The following PLCH2 variants were observed in gnomAD, a reference collection of about 807,000 sequenced individuals.
PLCH2 encodes the protein phospholipase C eta 2, also known as 1-phosphatidylinositol 4,5-bisphosphate phosphodiesterase eta-2.
In PLCH2, 98 loss-of-function variants were observed where a neutral mutation model predicts 134.7. The ratio of observed to expected loss-of-function variants is 0.73; its 90% CI spans 0.62 to 0.86. PLCH2 has a LOEUF of 0.86. Among genes scored for constraint, PLCH2 ranks in the 40% least tolerant of loss-of-function variants. The probability of loss-of-function intolerance (pLI) is 0.00; values close to 1 mark genes in which losing one functional copy is unlikely to be tolerated. For missense variants in PLCH2, 1,994 were observed against 1,986.6 expected, an observed-to-expected ratio of 1.00 and a Z score of -0.07; for synonymous variants, 974 against 827.5, an observed-to-expected ratio of 1.18 and a Z score of -3.04.
intron 15 of PLCH2, 24 bp from the exon 16 acceptor site, chr1:2,497,478 G>C (rs374151195): frequency 1.1e-5 from 17 of 1,519,022 alleles, no homozygotes; most frequent in African/African-American, 2.8e-5. Context: ...TGCTGACCAG[G>C]GCAGCCTTGT....
upstream of PLCH2, among the ~76,000 whole-genome samples, chr1:2,466,851 C>T (rs908941029): frequency 6.6e-6 from 1 of 152,126 alleles, no homozygotes; most frequent in Non-Finnish European, 1.5e-5. Context: ...GGCAGGGAGG[C>T]GAGGGGCTGG....
In PLCH2 at chr1:2,499,734, CCT is replaced by C. The variant is rs762147281; in HGVS notation, c.2661+15_2661+16del. ...ATCAGCGGTAAGGTGAGTGTCACCC[CCT>C]GCCACCAGCCATCATGGGGAGGGGC... On this transcript the variant is annotated intron_variant, in intron 20 of 21. Coordinates refer to ENST00000378486, the MANE Select transcript of PLCH2 (RefSeq NM_014638.4). 6.4e-6 allele frequency: 10 copies of C among 1,560,224 alleles called. No homozygotes were observed. The highest frequency in any genetic ancestry group is 8.7e-6 in the Non-Finnish European group (10 of 1,150,648).
rs1643388170 is a variant in PLCH2, at chr1:2,504,013, G to A, written c.3051G>A (p.Pro1017=). The A allele has an allele frequency of 8.0e-6, 12 of 1,499,930 alleles. No homozygotes were observed. The highest frequency in any genetic ancestry group is 1.5e-5 in the African/African-American group (1 of 68,448). The allele number at this position is 1,499,930 out of a possible 1,614,324, so 92.9% of individuals were successfully genotyped here. A position where few individuals can be genotyped will look rare whatever the true frequency, so the allele number is the denominator to read the frequency against. ...AEEPAPGPGP[P]PPAAVPTSSS... ...AGCCCGCCCCAGGCCCTGGTCCCCC[G>A]CCACCAGCGGCTGTCCCCACCAGCT... The change falls in exon 22 of 22, where the codon CCG becomes CCA. Residue 1017 remains proline (P), a synonymous_variant. Transcript: ENST00000378486.
chr1:2,499,257 C>A, intron 19 of PLCH2, 27 bp downstream of exon 19: 1 of 1,610,480 alleles, frequency 6.2e-7, no homozygotes, highest in Non-Finnish European at 8.5e-7. Context: ...ACGGTGCCCC[C>A]CACACTGGCC....
chr1:2,502,348 C>G lies in PLCH2; in HGVS notation c.2898C>G (p.Pro966=). 1 of 1,537,442 alleles carries G rather than the reference C, an allele frequency of 6.5e-7. No homozygotes were observed. The highest frequency in any genetic ancestry group is 8.7e-7 in the Non-Finnish European group (1 of 1,143,158). The change falls in exon 21 of 22, where the codon CCC becomes CCG. Residue 966 remains proline (P), a synonymous_variant. Transcript: ENST00000378486. ...GGGTGGCAGACGATGTGGTGCCCCC[C>G]GGGCCCGGACCTGCTCCGGAAGCCC... ...SKGVADDVVP[P]GPGPAPEAPA... is the part of the protein sequence containing the mutation.
upstream of PLCH2, among the ~76,000 whole-genome samples, chr1:2,471,493 T>C (rs1437545943): frequency 1.3e-5 from 2 of 152,228 alleles, no homozygotes; most frequent in African/African-American, 2.4e-5. Flanking sequence ...TTTGGACACC[T>C]GTGACCATCA....
intron 2 of PLCH2, among the ~76,000 whole-genome samples, chr1:2,443,473 C>G (rs529455316): frequency 6.8e-4 from 104 of 152,284 alleles, no homozygotes; most frequent in African/African-American, 2.4e-3. Context: ...TTCCCGGTCC[C>G]GCCGGCTGGG....
chr1:2,477,315 C>A (rs543972789), intron 1 of PLCH2, among the ~76,000 whole-genome samples: 5 of 152,270 alleles, frequency 3.3e-5, no homozygotes, highest in African/African-American at 1.2e-4. Flanking sequence ...GCAGCCATAC[C>A]TGCGTCTTCA....
Position 2,458,890 on chromosome 1 carries a change from G to A in PLCH2, c.116-19586G>A, listed in dbSNP as rs562801385. On this transcript the variant is annotated intron_variant, in intron 2 of 3. Transcript: ENST00000609981. ...AGTGACTACATCTGGGGATGTCCCC[G>A]TGCGCTGTGATGTGTGCTTGGCCGT... Among the ~76,000 whole-genome samples, 26 of 152,384 alleles carry A rather than the reference G, an allele frequency of 1.7e-4. No individual in the cohort carries two copies. The South Asian group carries it at 4.6e-3, about 27-fold the overall frequency.
chr1:2,443,595 A>AGCCCCGCCATGC (rs144476621), intron 2 of PLCH2, among the ~76,000 whole-genome samples: 16 of 150,382 alleles, frequency 1.1e-4, no homozygotes, highest in African/African-American at 2.4e-4. Context: ...CGGGCCGGCT[A>AGCCCCGCCATGC]GCCCCGCGCC....
At chr1:2,475,874 G>C (rs1292018995), upstream of PLCH2, among the ~76,000 whole-genome samples, 1 of 152,176 alleles carries the variant, frequency 6.6e-6, no homozygotes, top group African/African-American at 2.4e-5. Context: ...GCGCTGCGGG[G>C]ATGAGGTGAG....
Position 2,498,500 on chromosome 1 carries a change from C to A in PLCH2, c.2225-23C>A. ...GGCTTGCTGAGGGCTGGGCCACTGA[C>A]CACCTCCCCGGCATCCCCTCAGGCG... On this transcript the variant is annotated intron_variant, in intron 16 of 21. Coordinates refer to ENST00000378486, the MANE Select transcript of PLCH2 (RefSeq NM_014638.4). This position sits in a 1 kb window ranked among gnomAD's most constrained non-coding sequence, Gnocchi z 5.4. 1 of 1,599,650 alleles carries A rather than the reference C, an allele frequency of 6.3e-7. No individual in the cohort carries two copies.
In PLCH2 at chr1:2,476,450, G is replaced by A. The variant is rs1361026132; in HGVS notation, c.-139G>A. 1.8e-5 allele frequency: 14 copies of A among 778,688 alleles called. No homozygotes were observed. The highest frequency in any genetic ancestry group is 6.7e-5 in the Admixed American group (2 of 29,858). 48.2% of individuals were successfully genotyped at this position (778,688 alleles called of 1,614,324 possible). A position where few individuals can be genotyped will look rare whatever the true frequency, so the allele number is the denominator to read the frequency against. The stretch of plus-strand genomic sequence containing the variant: ...CCCTGTGGGGGCTTCGGAGGGCCCT[G>A]AGGAGGAGGAGGAAGAGGCAGAGGA... On this transcript the variant is annotated 5_prime_UTR_variant, in exon 1 of 22. Transcript: ENST00000378486.
chr1:2,468,371 C>A (rs1254139810), intron 1 of PLCH2, among the ~76,000 whole-genome samples: 1 of 152,270 alleles, frequency 6.6e-6, no homozygotes, highest in Non-Finnish European at 1.5e-5. Context: ...CATTGCCCTG[C>A]GCAGACAGAG....
At chr1:2,455,105 G>C (rs1570315229) in intron 2 of PLCH2, among the ~76,000 whole-genome samples, 1 of 152,196 alleles carries the variant, frequency 6.6e-6, no homozygotes, top group East Asian at 1.9e-4. Context: ...TGAGCCCCCA[G>C]CGGAGCCGGG....
chr1:2,435,641 C>T (rs1639293312), intron 2 of PLCH2, among the ~76,000 whole-genome samples: 1 of 152,088 alleles, frequency 6.6e-6, no homozygotes. Flanking sequence ...TGACACGGCT[C>T]TCAGAGCCCA....
At chr1:2,449,696 C>A (rs1640104027) in intron 2 of PLCH2, among the ~76,000 whole-genome samples, 1 of 152,262 alleles carries the variant, frequency 6.6e-6, no homozygotes, top group South Asian at 2.1e-4. Context: ...GACTTGGATC[C>A]CAAATCTGCA....
rs1642355405 is a variant in PLCH2, at chr1:2,487,579, A to G, written c.1115-19A>G. 6.2e-7 allele frequency: 1 copy of G among 1,607,626 alleles called. No individual in the cohort carries two copies. Among genetic ancestry groups the G allele is most frequent in the Admixed American group, 1.7e-5 (1 of 59,536 alleles). On this transcript the variant is annotated intron_variant, in intron 7 of 21. Transcript: ENST00000378486. ...TGTGGCTAGGCCCCTGGGGCTGACC[A>G]AGGCCTGCCCGCCTGCAGTGGACTG... is the stretch of plus-strand genomic sequence containing the variant.
chr1:2,433,896 G>A (rs1459822439), intron 2 of PLCH2, among the ~76,000 whole-genome samples: 2 of 152,204 alleles, frequency 1.3e-5, no homozygotes, highest in Non-Finnish European at 2.9e-5. Context: ...GGTGATGTTG[G>A]CCGTTTGGTC....
Sources: gnomAD v4.1 joint callset for allele counts (sites outside exome capture counted in the v4.1 genomes callset) on GRCh38, gnomAD v4.1.1 for gene constraint, Gnocchi (gnomAD v3.1) non-coding constraint, MANE v1.5 for transcripts, NCBI Gene and HGNC (gene_info 2026-07-23, HGNC 2026-07-21) for gene names.